Variants in MAN1C1 observed in about 807,000 individuals in gnomAD.
MAN1C1 encodes the protein mannosyl-oligosaccharide 1,2-alpha-mannosidase IC.
MAN1C1 carries 49 observed loss-of-function variants against 71.5 expected under a neutral mutation model. That is an observed-to-expected ratio of 0.69 (90% CI 0.54 to 0.87). The LOEUF (loss-of-function observed/expected upper bound fraction) is 0.87, where lower values mean the gene tolerates loss of function less well. MAN1C1 is among the 40% of genes least tolerant of loss of function. The probability of loss-of-function intolerance (pLI) is 0.00; values close to 1 mark genes in which losing one functional copy is unlikely to be tolerated. For synonymous variants in MAN1C1, 352 were observed against 343.7 expected (o/e 1.02, Z -0.27); for missense variants, 743 against 835.0 (o/e 0.89, Z 1.36).
chr1:25,666,977 CT>C (rs1236759590), intron 1 of MAN1C1, among the ~76,000 whole-genome samples: 25 of 152,122 alleles, frequency 1.6e-4, no homozygotes, highest in African/African-American at 5.3e-4. Flanking sequence ...TTTCCTATAG[CT>C]GGTTTACAGG....
intron 2 of MAN1C1, among the ~76,000 whole-genome samples, chr1:25,729,468 C>CT (rs1403655883): frequency 2.0e-5 from 3 of 150,546 alleles, no homozygotes; most frequent in Non-Finnish European, 1.5e-5. Context: ...GTCCCATTTT[C>CT]TTTTTCTTCT....
In MAN1C1 at chr1:25,631,925, C is replaced by T. The variant is rs994980825; in HGVS notation, c.540+13588C>T. 6.6e-6 allele frequency among the ~76,000 whole-genome samples: 1 copy of T among 152,172 alleles called. No individual in the cohort carries two copies. Among genetic ancestry groups the T allele is most frequent in the Non-Finnish European group, 1.5e-5 (1 of 68,030 alleles). ...TAGCTGGGACTACAGGTGCATGCCA[C>T]TACGCACGGCTAATTTTTGTATTTT... On this transcript the variant is annotated intron_variant, in intron 1 of 11. Coordinates refer to ENST00000374332, the MANE Select transcript of MAN1C1 (RefSeq NM_020379.4). This position sits in a 1 kb window ranked among gnomAD's most constrained non-coding sequence, Gnocchi z 4.2.
rs1341816863 is a variant in MAN1C1, at chr1:25,769,372, C to G, written c.1142-2285C>G. On this transcript the variant is annotated intron_variant, in intron 7 of 11. Coordinates refer to ENST00000374332, the MANE Select transcript of MAN1C1 (RefSeq NM_020379.4). The surrounding 1 kb of genome is among the most constrained non-coding windows in gnomAD (Gnocchi z 4.8). ...CATTCACCACACATACACACTCACCCCACACCCCATACATACATACACACA... is the reference window on the plus strand; with the variant it reads ...CATTCACCACACATACACACTCACCGCACACCCCATACATACATACACACA... Among the ~76,000 whole-genome samples, 1 of 147,526 alleles carries G rather than the reference C, an allele frequency of 6.8e-6. No homozygotes were observed. Among genetic ancestry groups the G allele is most frequent in the Non-Finnish European group, 1.5e-5 (1 of 67,546 alleles).
In MAN1C1 at chr1:25,631,425, T is replaced by G. The variant is rs145948636; in HGVS notation, c.540+13088T>G. 1.5e-3 allele frequency among the ~76,000 whole-genome samples: 223 copies of G among 152,340 alleles called. No homozygotes were observed. The highest frequency in any genetic ancestry group is 5.1e-3 in the African/African-American group (211 of 41,570). ...TTTTGAGATAAGTCCTTTCTATGCC[T>G]GGTTTGTTGAGAGTTTTTTTTATCA... On this transcript the variant is annotated intron_variant, in intron 1 of 11. Coordinates refer to ENST00000374332, the MANE Select transcript of MAN1C1 (RefSeq NM_020379.4). The surrounding 1 kb of genome is among the most constrained non-coding windows in gnomAD (Gnocchi z 4.2).
chr1:25,778,074 T>A lies in MAN1C1; in HGVS notation c.1258-31T>A. On this transcript the variant is annotated intron_variant, in intron 8 of 11. Transcript: ENST00000374332. The surrounding 1 kb of genome is among the most constrained non-coding windows in gnomAD (Gnocchi z 5.5). Reference sequence around the variant, plus strand: ...CTTCTCTGTGCCCTCCCACGCCCCTTCTCCCTGCCCAATCCCCACCTTGCT... The same window carrying A: ...CTTCTCTGTGCCCTCCCACGCCCCTACTCCCTGCCCAATCCCCACCTTGCT... 1 of 1,499,972 alleles carries A rather than the reference T, an allele frequency of 6.7e-7. No homozygotes were observed. Among genetic ancestry groups the A allele is most frequent in the Non-Finnish European group, 9.0e-7 (1 of 1,113,004 alleles). 92.9% of individuals were successfully genotyped at this position (1,499,972 alleles called of 1,614,324 possible). A position where few individuals can be genotyped will look rare whatever the true frequency, so the allele number is the denominator to read the frequency against.
chr1:25,773,751 A>G (rs184786431), intron 8 of MAN1C1, among the ~76,000 whole-genome samples: 1 of 152,254 alleles, frequency 6.6e-6, no homozygotes, highest in Non-Finnish European at 1.5e-5. Context: ...TTGATTTTGT[A>G]GGAGAGAACT....
intron 5 of MAN1C1, among the ~76,000 whole-genome samples, chr1:25,754,277 G>A (rs2047255780): frequency 6.6e-6 from 1 of 152,146 alleles, no homozygotes; most frequent in Non-Finnish European, 1.5e-5. Context: ...TCTCATCTCA[G>A]GGCTCTCAAA....
chr1:25,781,207 A>T, intron 10 of MAN1C1, 95 bp downstream of exon 10: 1 of 1,359,442 alleles, frequency 7.4e-7, no homozygotes, highest in Non-Finnish European at 1.0e-6. Flanking sequence ...CTGGAGTGGA[A>T]GGCCAAGCCA....
At chr1:25,649,943 T>G (rs1184921070) in intron 1 of MAN1C1, among the ~76,000 whole-genome samples, 2 of 152,162 alleles carry the variant, frequency 1.3e-5, no homozygotes, top group Non-Finnish European at 2.9e-5. Context: ...CGGCCTGGCC[T>G]TGTTGCTTTT....
At chr1:25,662,070 CCT>C (rs982034303) in intron 1 of MAN1C1, among the ~76,000 whole-genome samples, 5 of 152,178 alleles carry the variant, frequency 3.3e-5, no homozygotes, top group African/African-American at 1.2e-4. Flanking sequence ...TAGTCAGCCT[CCT>C]CTCTCTCTGT....
intron 2 of MAN1C1, among the ~76,000 whole-genome samples, chr1:25,690,499 G>T (rs1322093974): frequency 6.6e-6 from 1 of 152,144 alleles, no homozygotes; most frequent in East Asian, 1.9e-4. Flanking sequence ...CACCATGTTG[G>T]TCAGGCTTGT....
chr1:25,728,415 G>T (rs1279246770), intron 2 of MAN1C1, among the ~76,000 whole-genome samples: 2 of 152,176 alleles, frequency 1.3e-5, no homozygotes, highest in African/African-American at 4.8e-5. Flanking sequence ...AGAGAAACAG[G>T]CTCAGGGAGG....
intron 1 of MAN1C1, among the ~76,000 whole-genome samples, chr1:25,676,758 G>A (rs751666310): frequency 7.9e-5 from 12 of 152,180 alleles, no homozygotes; most frequent in African/African-American, 1.4e-4. Context: ...AGCTTTGAAT[G>A]TAGCAACTGT....
chr1:25,719,026 C>T (rs2046722394), intron 2 of MAN1C1, among the ~76,000 whole-genome samples: 1 of 149,784 alleles, frequency 6.7e-6, no homozygotes, highest in South Asian at 2.1e-4. Context: ...TATGAGGTTT[C>T]CATTTTCTCT....
chr1:25,642,910 A>G (rs982658311), intron 1 of MAN1C1, among the ~76,000 whole-genome samples: 1 of 152,016 alleles, frequency 6.6e-6, no homozygotes, highest in Non-Finnish European at 1.5e-5. Flanking sequence ...GATTGTTTGT[A>G]TATTGGTTTT....
intron 4 of MAN1C1, among the ~76,000 whole-genome samples, chr1:25,750,706 T>C (rs2124347790): frequency 6.6e-6 from 1 of 152,322 alleles, no homozygotes; most frequent in South Asian, 2.1e-4. Context: ...CAAATAATTG[T>C]AGATGGAAGC....
At position 25,778,043 on chromosome 1, in the gene MAN1C1, C is replaced by A; in HGVS notation, c.1258-62C>A. On this transcript the variant is annotated intron_variant, in intron 8 of 11. Coordinates refer to ENST00000374332, the MANE Select transcript of MAN1C1 (RefSeq NM_020379.4). The surrounding 1 kb of genome is among the most constrained non-coding windows in gnomAD (Gnocchi z 5.5). ...CCAAAATGTTCATTTTCCATCCTTT[C>A]CCCCCCTTCTCTGTGCCCTCCCACG... 3 of 1,236,428 alleles carry A rather than the reference C, an allele frequency of 2.4e-6. No homozygotes were observed. The highest frequency in any genetic ancestry group is 2.5e-5 in the Admixed American group (1 of 40,142). The allele number at this position is 1,236,428 out of a possible 1,614,324, so 76.6% of individuals were successfully genotyped here. A position where few individuals can be genotyped will look rare whatever the true frequency, so the allele number is the denominator to read the frequency against.
At chr1:25,643,395 C>T (rs1012853657) in intron 1 of MAN1C1, among the ~76,000 whole-genome samples, 22 of 149,666 alleles carry the variant, frequency 1.5e-4, no homozygotes, top group African/African-American at 5.1e-4. Flanking sequence ...GCTGGGACTA[C>T]AGGCACCCGC....
intron 2 of MAN1C1, among the ~76,000 whole-genome samples, chr1:25,745,723 C>T (rs1268811252): frequency 1.3e-5 from 2 of 152,204 alleles, no homozygotes; most frequent in African/African-American, 4.8e-5. Context: ...GGTGCAGTGG[C>T]TCACGCCTGT....
Sources: gnomAD v4.1 joint callset for allele counts (sites outside exome capture counted in the v4.1 genomes callset) on GRCh38, gnomAD v4.1.1 for gene constraint, Gnocchi (gnomAD v3.1) non-coding constraint, MANE v1.5 for transcripts, NCBI Gene and HGNC (gene_info 2026-07-23, HGNC 2026-07-21) for gene names.